ANKHD1: variants seen among roughly 807,000 people sequenced by gnomAD.
ANKHD1 encodes ankyrin repeat and KH domain containing 1, also known as ankyrin repeat and KH domain-containing protein 1.
A neutral mutation model predicts 230.5 loss-of-function variants in ANKHD1; 31 were observed. The observed-to-expected ratio is 0.13, with a 90% CI of 0.10 to 0.18. The LOEUF is 0.18. Ranked by LOEUF, ANKHD1 falls within the 10% of genes least tolerant of loss-of-function variation. The probability of loss-of-function intolerance (pLI) is 1.00; values close to 1 mark genes in which losing one functional copy is unlikely to be tolerated. For synonymous variants in ANKHD1, 1,074 were observed against 1,117.6 expected, an observed-to-expected ratio of 0.96 and a Z score of 0.78; for missense variants, 2,256 against 3,071.3, an observed-to-expected ratio of 0.73 and a Z score of 6.27.
At chr5:140,520,355 G>A (rs1161743785) in intron 24 of ANKHD1, among the ~76,000 whole-genome samples, 1 of 152,064 alleles carries the variant, frequency 6.6e-6, no homozygotes, top group East Asian at 1.9e-4. Context: ...TTCAACCATT[G>A]TGGAAGTCAG....
chr5:140,539,320 T>G lies in ANKHD1; in HGVS notation c.7570-39T>G, dbSNP rs376977435. 1,473 of 1,612,292 alleles carry G rather than the reference T, an allele frequency of 9.1e-4. 23 individuals carry two copies. In the South Asian group the frequency reaches 0.015, roughly 16 times the overall value. On this transcript the variant is annotated intron_variant, in intron 33 of 33. Transcript: ENST00000360839. Reference sequence around the variant, plus strand: ...ATTCATTTTGTAACTGTCTAAAGATTCCTAATTAGAAATTCCAATTTTTCC... The same window carrying G: ...ATTCATTTTGTAACTGTCTAAAGATGCCTAATTAGAAATTCCAATTTTTCC...
chr5:140,470,179 G>A (rs967663590), intron 10 of ANKHD1, among the ~76,000 whole-genome samples: 2 of 151,730 alleles, frequency 1.3e-5, no homozygotes, highest in African/African-American at 4.8e-5. Flanking sequence ...TTTTCTGTCT[G>A]GATTATCATA....
At chr5:140,437,889 A>G (rs1773569739) in intron 2 of ANKHD1, among the ~76,000 whole-genome samples, 1 of 152,242 alleles carries the variant, frequency 6.6e-6, no homozygotes, top group Non-Finnish European at 1.5e-5. Flanking sequence ...CATTCATGTT[A>G]TATCATTAGT....
intron 15 of ANKHD1, among the ~76,000 whole-genome samples, chr5:140,499,493 TATG>T (rs1353319979): frequency 5.3e-5 from 8 of 152,206 alleles, no homozygotes; most frequent in African/African-American, 1.4e-4. Context: ...ATTTTAGATG[TATG>T]ATAACAGTAC....
chr5:140,428,009 C>T (rs1044621342), intron 1 of ANKHD1, among the ~76,000 whole-genome samples: 6 of 151,482 alleles, frequency 4.0e-5, no homozygotes, highest in African/African-American at 7.3e-5. Context: ...GGCGGCAGGG[C>T]AGAGGCACTC....
intron 1 of ANKHD1, among the ~76,000 whole-genome samples, chr5:140,407,337 T>C (rs1770552289): frequency 6.6e-6 from 1 of 152,078 alleles, no homozygotes; most frequent in East Asian, 1.9e-4. Flanking sequence ...GTTTTTATTT[T>C]AAATTTTTAT....
At chr5:140,472,701 A>G (rs1776572050) in intron 10 of ANKHD1, among the ~76,000 whole-genome samples, 1 of 146,226 alleles carries the variant, frequency 6.8e-6, no homozygotes. Context: ...TAAAAATAAT[A>G]CTCAAATAAA....
chr5:140,424,809 C>G (rs888697187), intron 1 of ANKHD1, among the ~76,000 whole-genome samples: 3 of 152,166 alleles, frequency 2.0e-5, no homozygotes, highest in African/African-American at 7.2e-5. Context: ...TAGTTACACT[C>G]TGTTGTTTAG....
intron 15 of ANKHD1, among the ~76,000 whole-genome samples, chr5:140,499,734 C>T (rs946976299): frequency 6.6e-6 from 1 of 152,064 alleles, no homozygotes; most frequent in Non-Finnish European, 1.5e-5. Context: ...TGAAAGTGAG[C>T]ATTGGGTTTT....
chr5:140,454,253 A>G (rs559991080), intron 7 of ANKHD1, among the ~76,000 whole-genome samples: 1 of 152,114 alleles, frequency 6.6e-6, no homozygotes, highest in African/African-American at 2.4e-5. Context: ...CTCCCACACA[A>G]TAATAATGGG....
rs975674784 is a variant in ANKHD1, at chr5:140,527,588, A to G, written c.5088-285A>G. On this transcript the variant is annotated intron_variant, in intron 27 of 33. Transcript: ENST00000360839. This position sits in a 1 kb window ranked among gnomAD's most constrained non-coding sequence, Gnocchi z 4.5. The stretch of plus-strand genomic sequence containing the variant: ...TGTGTAATATTTTGGGCAGATTTGA[A>G]TGCTTATATTGTGAGTGATTTAAAT... 6.6e-6 allele frequency among the ~76,000 whole-genome samples: 1 copy of G among 152,306 alleles called. No individual in the cohort carries two copies. The highest frequency in any genetic ancestry group is 6.5e-5 in the Admixed American group (1 of 15,298).
At chr5:140,472,307 CT>C in intron 10 of ANKHD1, 2 of 1,613,218 alleles carry the variant, frequency 1.2e-6, no homozygotes, top group Non-Finnish European at 1.7e-6. Flanking sequence ...TGAGGGTGGC[CT>C]TTGATGCTTG....
chr5:140,487,252 C>T (rs1751552690), intron 14 of ANKHD1, among the ~76,000 whole-genome samples, 192 bp downstream of exon 14: 1 of 152,058 alleles, frequency 6.6e-6, no homozygotes, highest in African/African-American at 2.4e-5. Context: ...TTATTATTTT[C>T]CTGTTAACAT....
intron 10 of ANKHD1, among the ~76,000 whole-genome samples, chr5:140,475,255 C>T (rs1216859340): frequency 6.6e-6 from 1 of 152,066 alleles, no homozygotes; most frequent in African/African-American, 2.4e-5. Context: ...TTAAAGATCT[C>T]CGTGGACTAG....
intron 24 of ANKHD1, among the ~76,000 whole-genome samples, chr5:140,520,888 A>AC (rs1753317669): frequency 1.3e-5 from 2 of 151,154 alleles, no homozygotes; most frequent in East Asian, 1.9e-4. Flanking sequence ...TATGTAACTA[A>AC]CTGCACATTG....
Position 140,529,602 on chromosome 5 carries a change from G to C in ANKHD1, c.6656G>C (p.Ser2219Thr). 6.2e-7 allele frequency: 1 copy of C among 1,614,202 alleles called. No individual in the cohort carries two copies. Among genetic ancestry groups the C allele is most frequent in the South Asian group, 1.1e-5 (1 of 91,082 alleles). Residue 2219 changes from serine to threonine, a missense_variant, in exon 29 of 34, where the codon AGT (serine) becomes ACT (threonine). Around this residue, in one of 13 missense-constraint regions of ANKHD1, gnomAD observed 778 missense variants for 966.5 expected, o/e 0.80. Transcript: ENST00000360839. ...LFNHFSSLFD[S>T]SQVPANQGWG... ...AATCACTTCAGCAGTCTTTTTGATA[G>C]TAGTCAGGTGCCAGCTAACCAGGGC...
rs528101777 is a variant in ANKHD1 at position 140,429,454 on chromosome 5, C to CT, written c.307-6649dup. On this transcript the variant is annotated intron_variant, in intron 1 of 33. Transcript: ENST00000360839. ...TTTGTGGCTACTAATATTTGACTCT[C>CT]TAACTCAAAATATAAATTTATTTAA... is the stretch of plus-strand genomic sequence containing the variant. Among the ~76,000 whole-genome samples, 18 of 152,210 alleles carry CT rather than the reference C, an allele frequency of 1.2e-4. No individual in the cohort carries two copies. In the South Asian group the frequency reaches 2.7e-3, roughly 23 times the overall value.
chr5:140,444,658 CAAA>C (rs148509743), intron 5 of ANKHD1, among the ~76,000 whole-genome samples: 14 of 152,076 alleles, frequency 9.2e-5, no homozygotes, highest in Admixed American at 6.5e-5. Context: ...AAAAAACAAA[CAAA>C]AAATCCCAGT....
At chr5:140,515,551 T>C (rs969957668) in intron 24 of ANKHD1, among the ~76,000 whole-genome samples, 3 of 152,304 alleles carry the variant, frequency 2.0e-5, no homozygotes, top group African/African-American at 7.2e-5. Flanking sequence ...ATCTGAGCTT[T>C]GAAGAGAGCA....
Sources: gnomAD v4.1 joint callset for allele counts (sites outside exome capture counted in the v4.1 genomes callset) on GRCh38, gnomAD v4.1.1 for gene constraint, gnomAD v4.1.1 regional missense constraint, Gnocchi (gnomAD v3.1) non-coding constraint, MANE v1.5 for transcripts, NCBI Gene and HGNC (gene_info 2026-07-23, HGNC 2026-07-21) for gene names.